LARGE1: variants seen among roughly 807,000 people sequenced by gnomAD.
LARGE1 encodes xylosyl- and glucuronyltransferase LARGE1.
In LARGE1, 43 loss-of-function variants were observed where a neutral mutation model predicts 87.6. That is an observed-to-expected ratio of 0.49 (90% CI 0.38 to 0.63). The LOEUF (loss-of-function observed/expected upper bound fraction) is 0.63. Ranked by LOEUF, LARGE1 falls within the 30% of genes least tolerant of loss-of-function variation. LARGE1 has a pLI of 0.00. For missense variants in LARGE1, 802 were observed against 1,000.2 expected (o/e 0.80, Z 2.67); for synonymous variants, 434 against 394.6 (o/e 1.10, Z -1.18).
chr22:33,278,553 T>TCACA (rs113415022), intron 13 of LARGE1, among the ~76,000 whole-genome samples: 115 of 148,770 alleles, frequency 7.7e-4, no homozygotes, highest in Non-Finnish European at 8.3e-4. Flanking sequence ...TCTCTCTCTC[T>TCACA]CACACACACA....
intron 4 of LARGE1, among the ~76,000 whole-genome samples, chr22:33,623,121 TTTTC>T (rs1419682860): frequency 6.6e-6 from 1 of 151,844 alleles, no homozygotes; most frequent in African/African-American, 2.4e-5. Flanking sequence ...GCAAAGGCCC[TTTTC>T]TAGAAAGTGG....
chr22:33,365,617 T>TCTCTC (rs567806122), intron 9 of LARGE1, among the ~76,000 whole-genome samples: 3 of 136,742 alleles, frequency 2.2e-5, no homozygotes, highest in African/African-American at 8.6e-5. Flanking sequence ...CTTTTCTCTC[T>TCTCTC]TTTTTTTTTT....
At chr22:33,778,409 A>G (rs1307890404) in intron 1 of LARGE1, among the ~76,000 whole-genome samples, 1 of 152,198 alleles carries the variant, frequency 6.6e-6, no homozygotes, top group Non-Finnish European at 1.5e-5. Context: ...CACGATGTTG[A>G]GCAACCACTC....
intron 1 of LARGE1, among the ~76,000 whole-genome samples, chr22:33,792,676 CA>C (rs201799122): frequency 1.3e-5 from 2 of 149,748 alleles, no homozygotes; most frequent in African/African-American, 4.9e-5. Context: ...ATATTCAAAA[CA>C]AAAAAAAACA....
chr22:33,602,773 A>G (rs942075570), intron 5 of LARGE1, among the ~76,000 whole-genome samples: 7 of 152,268 alleles, frequency 4.6e-5, no homozygotes, highest in African/African-American at 1.7e-4. Context: ...TCAGCCTCCT[A>G]AAGTGCTGGG....
intron 11 of LARGE1, among the ~76,000 whole-genome samples, chr22:33,310,168 T>G (rs1935405256): frequency 6.6e-6 from 1 of 152,060 alleles, no homozygotes; most frequent in Non-Finnish European, 1.5e-5. Flanking sequence ...TCCCATGCAA[T>G]GCTGTGTTGC....
At chr22:33,826,344 C>CTTTTTTTTTT (rs35127990) in intron 1 of LARGE1, among the ~76,000 whole-genome samples, 4 of 137,854 alleles carry the variant, frequency 2.9e-5, no homozygotes, top group African/African-American at 1.1e-4. Flanking sequence ...CTTTGCATAC[C>CTTTTTTTTTT]TTTTTTTTTT....
At chr22:33,161,827 C>G (rs980391905), downstream of LARGE1, among the ~76,000 whole-genome samples, 1 of 152,118 alleles carries the variant, frequency 6.6e-6, no homozygotes, top group Non-Finnish European at 1.5e-5. Flanking sequence ...GTGGACCAAC[C>G]ATTCTGGGGT....
At chr22:33,571,360 G>A (rs1196003231) in intron 5 of LARGE1, among the ~76,000 whole-genome samples, 1 of 152,178 alleles carries the variant, frequency 6.6e-6, no homozygotes, top group African/African-American at 2.4e-5. Context: ...TATATCTGAT[G>A]CCAGGTGGTC....
Position 33,373,638 on chromosome 22 carries a change from G to GT in LARGE1, c.1131+8280dup, listed in dbSNP as rs545946844. 4.3e-3 allele frequency among the ~76,000 whole-genome samples: 604 copies of GT among 141,458 alleles called. 3 individuals are homozygous for GT. The highest frequency in any genetic ancestry group is 0.017 in the African/African-American group (576 of 34,208). 92.8% of individuals were successfully genotyped at this position (141,458 alleles called of 152,430 possible). On this transcript the variant is annotated intron_variant, in intron 9 of 14. Transcript: ENST00000397394. The stretch of plus-strand genomic sequence containing the variant: ...AAGTTTTCCATTCCTTCCTGTAACT[G>GT]TTTTTTTTCCCCCAGTTCTAACTCT...
chr22:33,286,626 A>G (rs560860597), intron 12 of LARGE1, among the ~76,000 whole-genome samples: 1 of 152,230 alleles, frequency 6.6e-6, no homozygotes, highest in East Asian at 1.9e-4. Context: ...CTGGGGCCCC[A>G]GATTGCATTT....
chr22:33,765,143 C>A (rs1278315313), intron 1 of LARGE1, among the ~76,000 whole-genome samples: 1 of 152,064 alleles, frequency 6.6e-6, no homozygotes, highest in African/African-American at 2.4e-5. Context: ...TATTTCCAGT[C>A]CCCACTGTAC....
Position 33,351,985 on chromosome 22 carries a change from C to T in LARGE1, c.1132-14184G>A, listed in dbSNP as rs569222517. ...ATCTCTTGCGCTCATAATCCACCCG[C>T]CTCAGCCTCCCAAAGTGCTGGGATT... On this transcript the variant is annotated intron_variant, in intron 9 of 14. Coordinates refer to ENST00000397394, the MANE Select transcript of LARGE1 (RefSeq NM_133642.5). 1.6e-4 allele frequency among the ~76,000 whole-genome samples: 25 copies of T among 152,304 alleles called. No homozygotes were observed. The East Asian group carries it at 3.3e-3, about 20-fold the overall frequency.
rs1418354597 is a variant in LARGE1, at chr22:33,730,970, C to T, written c.106+30401G>A. Among the ~76,000 whole-genome samples the T allele has an allele frequency of 2.0e-5, 3 of 150,090 alleles. No individual in the cohort carries two copies. The East Asian group carries it at 5.9e-4, about 29-fold the overall frequency. On this transcript the variant is annotated intron_variant, in intron 2 of 14. Transcript: ENST00000397394. ...TCCACCTCCTAAAGTGCTGGGATTA[C>T]AGGCGTGAACCACTGCGCCCAGCCT...
chr22:33,854,812 A>G (rs144979982), intron 1 of LARGE1, among the ~76,000 whole-genome samples: 55 of 152,350 alleles, frequency 3.6e-4, no homozygotes, highest in African/African-American at 1.3e-3. Context: ...TCATAAATGT[A>G]TCGGTGACAT....
chr22:33,075,274 C>T, the LARGE1 span, among the ~76,000 whole-genome samples: 4 of 152,032 alleles, frequency 2.6e-5, no homozygotes, highest in Non-Finnish European at 5.9e-5. Context: ...GATCTTCTTA[C>T]TCCAAATACC....
At position 33,263,137 on chromosome 22, in the gene LARGE1, G is replaced by A. The variant is rs191338277; in HGVS notation, c.1730+41092C>T. Among the ~76,000 whole-genome samples the A allele has an allele frequency of 1.3e-4, 20 of 151,996 alleles. No homozygotes were observed. The East Asian group carries it at 3.7e-3, about 28-fold the overall frequency. ...TCGAAAACTCCTGACCTTGTGATTCGCCACCTCAGCCTCCCAAAGTGCCGG... is the reference window on the plus strand; with the variant it reads ...TCGAAAACTCCTGACCTTGTGATTCACCACCTCAGCCTCCCAAAGTGCCGG... On this transcript the variant is annotated intron_variant, in intron 11 of 11. Transcript: ENST00000608642.
At chr22:33,298,146 T>C (rs1933608084) in intron 12 of LARGE1, among the ~76,000 whole-genome samples, 1 of 152,176 alleles carries the variant, frequency 6.6e-6, no homozygotes, top group Admixed American at 6.6e-5. Context: ...TTTAGAGACC[T>C]TCAGTGTGCA....
At position 33,707,202 on chromosome 22, in the gene LARGE1, C is replaced by T. The variant is rs116919510; in HGVS notation, c.106+54169G>A. Among the ~76,000 whole-genome samples, 297 of 152,340 alleles carry T rather than the reference C, an allele frequency of 1.9e-3. 7 individuals carry two copies. In the East Asian group the frequency reaches 0.042, roughly 22 times the overall value. On this transcript the variant is annotated intron_variant, in intron 2 of 14. Coordinates refer to ENST00000397394, the MANE Select transcript of LARGE1 (RefSeq NM_133642.5). ...ACATGCTGGCTTCCCTCTCTCACTG[C>T]CCTGACACTAGATGCATCTGTCAGG...
Sources: gnomAD v4.1 joint callset for allele counts (sites outside exome capture counted in the v4.1 genomes callset) on GRCh38, gnomAD v4.1.1 for gene constraint, MANE v1.5 for transcripts, NCBI Gene and HGNC (gene_info 2026-07-23, HGNC 2026-07-21) for gene names.